Variants in RAB23 observed in about 807,000 individuals in gnomAD.
RAB23 encodes ras-related protein Rab-23.
In RAB23, 15 loss-of-function variants were observed where a neutral mutation model predicts 30.0. That is an observed-to-expected ratio of 0.50 (90% confidence interval 0.33 to 0.77). The LOEUF is 0.77. RAB23 is among the 30% of genes least tolerant of loss of function. RAB23 has a pLI of 0.02. For synonymous variants in RAB23, 93 were observed against 94.0 expected (o/e 0.99, Z 0.06); for missense variants, 243 against 275.4 (o/e 0.88, Z 0.83).
rs976160630 is a variant in RAB23, at chr6:57,217,011, A to G, written c.-66+4715T>C. ...TCAGTGGGGATCTTTTAAGACCTGT[A>G]TCTTGTGGAACCAGATCTACTGACC... On this transcript the variant is annotated intron_variant, in intron 1 of 6. Transcript: ENST00000468148. 8.5e-5 allele frequency among the ~76,000 whole-genome samples: 13 copies of G among 152,272 alleles called. No individual in the cohort carries two copies. The East Asian group carries it at 2.5e-3, about 29-fold the overall frequency.
At chr6:57,197,083 C>A (rs570763167) in intron 3 of RAB23, among the ~76,000 whole-genome samples, 5 of 152,004 alleles carry the variant, frequency 3.3e-5, no homozygotes, top group Non-Finnish European at 5.9e-5. Flanking sequence ...TTTCTTTCAG[C>A]GCAGATTTAA....
rs1764785985 is a variant in RAB23, at chr6:57,190,237, G to A, written c.*224C>T. 2 of 505,256 alleles carry A rather than the reference G, an allele frequency of 4.0e-6. No individual in the cohort carries two copies. The highest frequency in any genetic ancestry group is 2.3e-5 in the South Asian group (1 of 42,764). The allele number at this position is 505,256 out of a possible 1,614,324, so 31.3% of individuals were successfully genotyped here. On this transcript the variant is annotated 3_prime_UTR_variant, in exon 7 of 7. Transcript: ENST00000468148. The stretch of plus-strand genomic sequence containing the variant: ...TTCCTTTACAAACAGGAGAAGCTTC[G>A]TCTAATGTAAAAAAAATTAAAGGAG...
chr6:57,191,384 C>A lies in RAB23; in HGVS notation c.575-784G>T, dbSNP rs574531143. ...TACCTAAGTTGTGGCATATTCTACA[C>A]AATGTTCTGCATCTTTTGACTTAAC... On this transcript the variant is annotated intron_variant, in intron 6 of 6. Transcript: ENST00000468148. 2.0e-4 allele frequency among the ~76,000 whole-genome samples: 30 copies of A among 152,190 alleles called. 1 individual carries two copies. The highest frequency in any genetic ancestry group is 6.5e-4 in the African/African-American group (27 of 41,444).
chr6:57,221,026 G>A (rs1217079847), intron 1 of RAB23, among the ~76,000 whole-genome samples: 1 of 151,936 alleles, frequency 6.6e-6, no homozygotes, highest in South Asian at 2.1e-4. Flanking sequence ...TAAAAACCTC[G>A]ACAATAATAC....
intron 1 of RAB23, among the ~76,000 whole-genome samples, chr6:57,212,371 C>A (rs991044034): frequency 8.5e-5 from 13 of 152,056 alleles, no homozygotes; most frequent in African/African-American, 3.1e-4. Flanking sequence ...TATCCTTTCA[C>A]AAGTATAAAA....
At chr6:57,219,172 A>G (rs1765959917) in intron 1 of RAB23, among the ~76,000 whole-genome samples, 1 of 152,258 alleles carries the variant, frequency 6.6e-6, no homozygotes, top group African/African-American at 2.4e-5. Flanking sequence ...ACAAAATTCA[A>G]TTGTATTTCT....
intron 6 of RAB23, among the ~76,000 whole-genome samples, chr6:57,190,939 T>G (rs1423026384): frequency 6.6e-6 from 1 of 152,214 alleles, no homozygotes; most frequent in Non-Finnish European, 1.5e-5. Context: ...TCTTATGATT[T>G]TAACTACTCT....
At chr6:57,203,226 G>A (rs1007680707) in intron 3 of RAB23, among the ~76,000 whole-genome samples, 14 of 151,992 alleles carry the variant, frequency 9.2e-5, no homozygotes, top group Admixed American at 6.6e-5. Context: ...GGCTGGTCTC[G>A]AACTCCTGAC....
chr6:57,194,977 C>A, intron 4 of RAB23, 125 bp from the exon 5 acceptor site: 1 of 699,948 alleles, frequency 1.4e-6, no homozygotes, highest in Non-Finnish European at 2.5e-6. Context: ...TGGATCAGAT[C>A]TTTCAGAAAA....
intron 6 of RAB23, among the ~76,000 whole-genome samples, chr6:57,193,516 A>G (rs915719317): frequency 2.0e-5 from 3 of 152,220 alleles, no homozygotes; most frequent in African/African-American, 7.2e-5. Flanking sequence ...AATAAGCAAG[A>G]TAGTAAGAAA....
At chr6:57,218,807 G>C (rs1289299448) in intron 1 of RAB23, among the ~76,000 whole-genome samples, 2 of 150,836 alleles carry the variant, frequency 1.3e-5, no homozygotes, top group African/African-American at 2.4e-5. Flanking sequence ...AGCTGAGATC[G>C]TGTGCCACTG....
chr6:57,198,851 GA>G lies in RAB23; in HGVS notation c.242-2246del, dbSNP rs201546074. Among the ~76,000 whole-genome samples the G allele has an allele frequency of 4.8e-4, 73 of 151,686 alleles. No individual in the cohort carries two copies. The East Asian group carries it at 0.012, about 26-fold the overall frequency. On this transcript the variant is annotated intron_variant, in intron 3 of 6. Coordinates refer to ENST00000468148, the MANE Select transcript of RAB23 (RefSeq NM_016277.5). ...CCTCTTAGAGGAAGCATATATGATG[GA>G]AAAAAAACCCCAAACAGATAATGCC...
chr6:57,198,644 G>A (rs929824647), intron 3 of RAB23, among the ~76,000 whole-genome samples: 1 of 151,350 alleles, frequency 6.6e-6, no homozygotes, highest in East Asian at 1.9e-4. Flanking sequence ...TTGTGCCACC[G>A]CACTCCAGCA....
intron 1 of RAB23, among the ~76,000 whole-genome samples, chr6:57,214,378 G>A (rs1765761749): frequency 1.3e-5 from 2 of 152,010 alleles, no homozygotes; most frequent in African/African-American, 4.8e-5. Flanking sequence ...GCAGTGGGGT[G>A]AACACAGCTC....
At chr6:57,213,823 CAT>C (rs908709514) in intron 1 of RAB23, among the ~76,000 whole-genome samples, 2 of 151,804 alleles carry the variant, frequency 1.3e-5, no homozygotes, top group Non-Finnish European at 2.9e-5. Context: ...AACAAAAAAA[CAT>C]AAAAGCCTAC....
intron 4 of RAB23, 83 bp from the exon 5 acceptor site, chr6:57,194,935 T>C (rs1764966262): frequency 9.6e-7 from 1 of 1,044,916 alleles, no homozygotes; most frequent in Non-Finnish European, 1.5e-6. Flanking sequence ...TTACATTTAC[T>C]GAATACAGTT....
In RAB23 at chr6:57,188,641, T is replaced by C. The variant is rs144680472; in HGVS notation, c.*1820A>G. On this transcript the variant is annotated 3_prime_UTR_variant, in exon 7 of 7. Transcript: ENST00000468148. ...TGACTCATTAGCAGTATCCACTGTT[T>C]GTTAGGAACTGAATTTTGCCCCCAA... 91 of 152,314 alleles carry C rather than the reference T, an allele frequency of 6.0e-4. 1 individual carries two copies. Among genetic ancestry groups the C allele is most frequent in the African/African-American group, 2.1e-3 (87 of 41,582 alleles). 9.4% of individuals were successfully genotyped at this position (152,314 alleles called of 1,614,324 possible).
At chr6:57,194,924 AT>A in intron 4 of RAB23, 72 bp from the exon 5 acceptor site, 1 of 1,141,840 alleles carries the variant, frequency 8.8e-7, no homozygotes. Context: ...ATCACTTTTA[AT>A]TACATTTACT....
intron 3 of RAB23, among the ~76,000 whole-genome samples, chr6:57,202,403 T>G (rs531702965): frequency 1.3e-5 from 2 of 152,282 alleles, no homozygotes; most frequent in Non-Finnish European, 2.9e-5. Context: ...CACAATGTGA[T>G]CCAAGTCAAT....
Sources: allele counts gnomAD v4.1 joint callset (sites outside exome capture counted in the v4.1 genomes callset), GRCh38; gene constraint gnomAD v4.1.1; transcripts MANE v1.5; gene names NCBI Gene and HGNC (gene_info 2026-07-23, HGNC 2026-07-21).